Variants in RABGAP1L observed in about 807,000 individuals in gnomAD.
RABGAP1L encodes the protein rab GTPase-activating protein 1-like.
A neutral mutation model predicts 137.7 loss-of-function variants in RABGAP1L; 63 were observed. The ratio of observed to expected loss-of-function variants is 0.46; its 90% confidence interval spans 0.37 to 0.56. The LOEUF is 0.56. Ranked by LOEUF, RABGAP1L falls within the 20% of genes least tolerant of loss-of-function variation. The pLI, the probability that RABGAP1L is intolerant of heterozygous loss-of-function variation, is 0.00. For synonymous variants in RABGAP1L, 431 were observed against 433.7 expected (o/e 0.99, Z 0.08); for missense variants, 1,095 against 1,244.0 (o/e 0.88, Z 1.80).
At chr1:174,622,693 G>A (rs920662976) in intron 13 of RABGAP1L, among the ~76,000 whole-genome samples, 1 of 152,092 alleles carries the variant, frequency 6.6e-6, no homozygotes, top group Non-Finnish European at 1.5e-5. Flanking sequence ...ATCACACTCC[G>A]GGGTCTGTTG....
chr1:174,479,538 G>A (rs1658863636), intron 13 of RABGAP1L, among the ~76,000 whole-genome samples: 1 of 152,158 alleles, frequency 6.6e-6, no homozygotes, highest in South Asian at 2.1e-4. Flanking sequence ...AGAAATTCAT[G>A]GTCCCTTCTG....
At chr1:174,925,454 C>G (rs1429652645) in intron 19 of RABGAP1L, among the ~76,000 whole-genome samples, 1 of 149,968 alleles carries the variant, frequency 6.7e-6, no homozygotes, top group African/African-American at 2.5e-5. Flanking sequence ...ACCGGAGGAA[C>G]CACAAGGAGG....
chr1:174,938,498 C>T (rs1042010816), intron 19 of RABGAP1L: 2 of 152,146 alleles, frequency 1.3e-5, no homozygotes, highest in African/African-American at 4.8e-5. Context: ...CTTTTGATTT[C>T]ACTGTGTTTC....
intron 17 of RABGAP1L, among the ~76,000 whole-genome samples, chr1:174,722,015 T>C (rs1681576765): frequency 6.6e-6 from 1 of 152,168 alleles, no homozygotes; most frequent in Non-Finnish European, 1.5e-5. Context: ...CACTGCACCC[T>C]CTGAATCCCT....
At chr1:174,629,576 C>G (rs1277266995) in intron 13 of RABGAP1L, among the ~76,000 whole-genome samples, 3 of 152,036 alleles carry the variant, frequency 2.0e-5, no homozygotes, top group Non-Finnish European at 4.4e-5. Context: ...GCTCTGTCGC[C>G]CAGTGGCACG....
chr1:174,302,415 T>A (rs1445899532), intron 10 of RABGAP1L, among the ~76,000 whole-genome samples: 1 of 152,084 alleles, frequency 6.6e-6, no homozygotes, highest in African/African-American at 2.4e-5. Context: ...AAGAGAGAGG[T>A]CTCAAGAAAC....
intron 1 of RABGAP1L, among the ~76,000 whole-genome samples, chr1:174,167,260 G>A (rs1664990119): frequency 6.6e-6 from 1 of 152,144 alleles, no homozygotes; most frequent in Non-Finnish European, 1.5e-5. Flanking sequence ...GAGGTTATTA[G>A]AATCTTTCCA....
intron 18 of RABGAP1L, among the ~76,000 whole-genome samples, chr1:174,760,961 C>T (rs569867369): frequency 6.6e-6 from 1 of 152,298 alleles, no homozygotes; most frequent in East Asian, 1.9e-4. Flanking sequence ...ACTAAAGTAA[C>T]AAAGCTACTT....
chr1:174,609,946 C>A (rs1671068904), intron 13 of RABGAP1L, among the ~76,000 whole-genome samples: 1 of 151,016 alleles, frequency 6.6e-6, no homozygotes, highest in Non-Finnish European at 1.5e-5. Context: ...AGATAGAGAT[C>A]CATTTTGTTT....
intron 19 of RABGAP1L, among the ~76,000 whole-genome samples, chr1:174,863,474 C>G (rs999305821): frequency 1.3e-5 from 2 of 150,620 alleles, no homozygotes; most frequent in African/African-American, 4.9e-5. Context: ...GAGATCGAGA[C>G]CATCCTGGCT....
rs568175404 is a variant in RABGAP1L at position 174,873,657 on chromosome 1, C to T, written c.2340+61697C>T. ...TCCTGAGTAGCTGGGTCTACAGGCG[C>T]GCGCCACCACGCCTGGCTAATTTTT... is the stretch of plus-strand genomic sequence containing the variant. On this transcript the variant is annotated intron_variant, in intron 19 of 25. Transcript: ENST00000681986. Among the ~76,000 whole-genome samples the T allele has an allele frequency of 2.6e-4, 39 of 151,510 alleles. No homozygotes were observed. The East Asian group carries it at 5.9e-3, about 23-fold the overall frequency.
intron 18 of RABGAP1L, 37 bp downstream of exon 18, chr1:174,752,391 CT>C: frequency 6.9e-7 from 1 of 1,439,148 alleles, no homozygotes; most frequent in Non-Finnish European, 9.6e-7. Context: ...ACCACATTCT[CT>C]TACCTCTTTG....
chr1:174,513,314 T>A lies in RABGAP1L; in HGVS notation c.1710+119169T>A, dbSNP rs116641167. The stretch of plus-strand genomic sequence containing the variant: ...ATTTACTACCTGAAAAAATAAACTT[T>A]GAGGCCAGATGCAGTAGCTCACGCC... On this transcript the variant is annotated intron_variant, in intron 13 of 25. Transcript: ENST00000681986. 2.1e-3 allele frequency among the ~76,000 whole-genome samples: 320 copies of A among 152,236 alleles called. 1 individual carries two copies. The highest frequency in any genetic ancestry group is 7.4e-3 in the African/African-American group (306 of 41,552).
chr1:174,849,388 T>C (rs527534377), intron 19 of RABGAP1L, among the ~76,000 whole-genome samples: 2 of 152,270 alleles, frequency 1.3e-5, no homozygotes, highest in East Asian at 3.9e-4. Context: ...ATTTAAAAGT[T>C]GGTATGATGT....
At chr1:174,800,097 T>C in intron 18 of RABGAP1L, 4 of 1,319,350 alleles carry the variant, frequency 3.0e-6, no homozygotes, top group Non-Finnish European at 3.9e-6. Context: ...TTTTGCCGTT[T>C]TTTATTTAGA....
chr1:174,733,670 T>G (rs973083912), intron 17 of RABGAP1L, among the ~76,000 whole-genome samples: 2 of 152,236 alleles, frequency 1.3e-5, no homozygotes, highest in African/African-American at 4.8e-5. Flanking sequence ...TTCTGGACAC[T>G]GAGGAAATCA....
chr1:174,210,239 C>T (rs1177888601), intron 1 of RABGAP1L, among the ~76,000 whole-genome samples: 2 of 152,168 alleles, frequency 1.3e-5, no homozygotes, highest in Non-Finnish European at 2.9e-5. Context: ...AAAACATGAC[C>T]TTACCAAAGG....
intron 19 of RABGAP1L, among the ~76,000 whole-genome samples, chr1:174,925,973 C>T (rs1381188498): frequency 6.9e-6 from 1 of 144,020 alleles, no homozygotes; most frequent in Non-Finnish European, 1.5e-5. Context: ...AAGTGATTCT[C>T]ATGCCTCAGC....
chr1:174,686,648 C>CTTTTTTTTTTTTTTTTTTTTTTTTTTTTT lies in RABGAP1L; in HGVS notation c.1899+3079_1899+3080insTTTTTTTTTTTTTTTTTTTTTTTTTTTTT, dbSNP rs533716511. ...GAAGCTTTGGTTTGAACAAAGCAATCTTTTTTTTTTTTTTTTTTTTTTTTT... is the reference window on the plus strand; with the variant it reads ...GAAGCTTTGGTTTGAACAAAGCAATCTTTTTTTTTTTTTTTTTTTTTTTTTTTTTTTTTTTTTTTTTTTTTTTTTTTTTT... On this transcript the variant is annotated intron_variant, in intron 15 of 25. Transcript: ENST00000681986. 4.7e-5 allele frequency among the ~76,000 whole-genome samples: 5 copies of CTTTTTTTTTTTTTTTTTTTTTTTTTTTTT among 105,770 alleles called. 2 individuals are homozygous for CTTTTTTTTTTTTTTTTTTTTTTTTTTTTT. The highest frequency in any genetic ancestry group is 2.1e-5 in the Non-Finnish European group (1 of 47,678). The allele number at this position is 105,770 out of a possible 152,430, so 69.4% of individuals were successfully genotyped here.
Sources: allele counts gnomAD v4.1 joint callset (sites outside exome capture counted in the v4.1 genomes callset), GRCh38; gene constraint gnomAD v4.1.1; transcripts MANE v1.5; gene names NCBI Gene and HGNC (gene_info 2026-07-23, HGNC 2026-07-21).